Variants in SORL1 observed in about 807,000 individuals in gnomAD.
The protein encoded by SORL1 is sortilin related receptor 1.
SORL1 carries 127 observed loss-of-function variants against 273.7 expected under a neutral mutation model. That is an observed-to-expected ratio of 0.46 (90% CI 0.40 to 0.54). SORL1 has a LOEUF of 0.54. Among genes scored for constraint, SORL1 ranks in the 20% least tolerant of loss-of-function variants. The pLI is 0.00. For missense variants in SORL1, 2,494 were observed against 2,846.1 expected (o/e 0.88, Z 2.81); for synonymous variants, 1,031 against 1,067.4 (o/e 0.97, Z 0.66).
chr11:121,497,086 G>A (rs775393661), intron 6 of SORL1, 37 bp downstream of exon 6: 1 of 1,571,634 alleles, frequency 6.4e-7, no homozygotes, highest in Admixed American at 1.7e-5. Context: ...CTACTTTTGA[G>A]TTTCCTTTGT....
intron 21 of SORL1, among the ~76,000 whole-genome samples, chr11:121,560,573 AACTGCTAAGT>A (rs1862656538): frequency 6.6e-6 from 1 of 152,168 alleles, no homozygotes; most frequent in Non-Finnish European, 1.5e-5. Context: ...TTTATTGACA[AACTGCTAAGT>A]TTTCTGTTCT....
rs1565361034 is a variant in SORL1 at position 121,630,271 on chromosome 11, G to A, written c.*708G>A. ...GTTCAACAGAGCTGCAGCTTGGGAA[G>A]CCCTGTAAGCCCACAGCTTCCTCTC... On this transcript the variant is annotated 3_prime_UTR_variant, in exon 48 of 48. Coordinates refer to ENST00000260197, the MANE Select transcript of SORL1 (RefSeq NM_003105.6). 6.6e-6 allele frequency: 1 copy of A among 152,246 alleles called. No individual in the cohort carries two copies. Among genetic ancestry groups the A allele is most frequent in the Non-Finnish European group, 1.5e-5 (1 of 68,074 alleles). The allele number at this position is 152,246 out of a possible 1,614,324, so 9.4% of individuals were successfully genotyped here.
chr11:121,598,136 T>C (rs1026199577), intron 32 of SORL1, among the ~76,000 whole-genome samples: 3 of 152,122 alleles, frequency 2.0e-5, no homozygotes, highest in Non-Finnish European at 2.9e-5. Flanking sequence ...CTTGAAGATT[T>C]CAGAGATGGG....
At chr11:121,581,624 A>G (rs1863016902) in intron 25 of SORL1, among the ~76,000 whole-genome samples, 1 of 152,214 alleles carries the variant, frequency 6.6e-6, no homozygotes, top group Admixed American at 6.5e-5. Flanking sequence ...AAGAAGATAG[A>G]AAAATCTAGA....
At chr11:121,514,376 TTC>T (rs1861921516) in intron 8 of SORL1, 55 bp downstream of exon 8, 1 of 1,500,802 alleles carries the variant, frequency 6.7e-7, no homozygotes, top group Admixed American at 2.1e-5. Flanking sequence ...AACCATTAGC[TTC>T]TCTCTGGTTC....
chr11:121,593,172 G>T (rs1863242297), intron 31 of SORL1, among the ~76,000 whole-genome samples: 1 of 152,148 alleles, frequency 6.6e-6, no homozygotes, highest in South Asian at 2.1e-4. Context: ...ATTTGCCTTG[G>T]CCTGGCATTC....
In SORL1 at chr11:121,605,182, C is replaced by G. The variant is rs1211904073; in HGVS notation, c.4721C>G (p.Thr1574Ser). ...TADFSGDVTLTWMRPKKMPSA... is the reference protein window; with the variant it reads ...TADFSGDVTLSWMRPKKMPSA... ...GACTTCTCTGGGGATGTGACTTTGA[C>G]CTGGATGAGGCCCAAAAAAATGCCC... The change falls in exon 34 of 48, where the codon ACC (threonine) becomes AGC (serine). Residue 1574 changes from threonine (T) to serine (S), a missense_variant. Physicochemically the swap from Thr to Ser is moderately conservative, Grantham distance 58. This residue lies in a region of SORL1 where 1,609 missense variants were observed against 1,816.4 expected (regional missense o/e 0.89). Transcript: ENST00000260197. The G allele has an allele frequency of 1.9e-6, 3 of 1,613,684 alleles. No homozygotes were observed. The highest frequency in any genetic ancestry group is 2.5e-6 in the Non-Finnish European group (3 of 1,179,764).
intron 40 of SORL1, chr11:121,614,667 A>C: frequency 4.0e-6 from 2 of 504,490 alleles, no homozygotes; most frequent in Non-Finnish European, 6.9e-6. Flanking sequence ...GAAATTACCC[A>C]GTGCTTGTGC....
intron 32 of SORL1, among the ~76,000 whole-genome samples, chr11:121,597,465 T>G (rs1370594790): frequency 6.6e-6 from 1 of 151,890 alleles, no homozygotes; most frequent in African/African-American, 2.4e-5. Context: ...TGTTTTTTTT[T>G]TTTTTCTTTT....
chr11:121,546,618 A>G (rs1279230947), intron 14 of SORL1, among the ~76,000 whole-genome samples: 9 of 152,212 alleles, frequency 5.9e-5, no homozygotes, highest in Non-Finnish European at 1.3e-4. Context: ...TCTAGACCAG[A>G]GGTTGGAACA....
intron 25 of SORL1, 79 bp downstream of exon 25, chr11:121,577,479 A>G (rs1408037720): frequency 2.9e-6 from 4 of 1,393,786 alleles, no homozygotes; most frequent in Non-Finnish European, 3.8e-6. Flanking sequence ...ACGATCGGAA[A>G]ATCTAGGCTC....
intron 24 of SORL1, among the ~76,000 whole-genome samples, chr11:121,576,560 C>G (rs1482127954): frequency 2.0e-5 from 3 of 152,232 alleles, no homozygotes; most frequent in Non-Finnish European, 4.4e-5. Context: ...TTCCTAGCCT[C>G]CAGAACCGAG....
In SORL1 at chr11:121,549,511, A is replaced by G. The variant is rs1020229534; in HGVS notation, c.2052-449A>G. On this transcript the variant is annotated intron_variant, in intron 14 of 47. Coordinates refer to ENST00000260197, the MANE Select transcript of SORL1 (RefSeq NM_003105.6). The stretch of plus-strand genomic sequence containing the variant: ...CAAAGTGTTGGGATTACAGGCGTGA[A>G]CCACCATGCCCGGCCCCAAATAATT... Among the ~76,000 whole-genome samples, 9 of 152,126 alleles carry G rather than the reference A, an allele frequency of 5.9e-5. No homozygotes were observed. In the East Asian group the frequency reaches 1.2e-3, roughly 20 times the overall value.
chr11:121,465,683 G>A (rs1041522868), intron 1 of SORL1, among the ~76,000 whole-genome samples: 2 of 152,098 alleles, frequency 1.3e-5, no homozygotes, highest in African/African-American at 4.8e-5. Context: ...ACGTGCCACC[G>A]TGCCTGGCTA....
intron 32 of SORL1, among the ~76,000 whole-genome samples, chr11:121,601,588 T>TTG (rs1169403961): frequency 2.0e-5 from 3 of 151,108 alleles, no homozygotes; most frequent in African/African-American, 7.3e-5. Context: ...TGATTGTTTT[T>TTG]TTTTTTTTTT....
intron 1 of SORL1, among the ~76,000 whole-genome samples, chr11:121,454,038 TG>T (rs1176202598): frequency 6.6e-6 from 1 of 152,274 alleles, no homozygotes. Flanking sequence ...GGCCACAGGC[TG>T]CAGGAACCTG....
At chr11:121,530,143 T>C (rs747513933) in intron 11 of SORL1, among the ~76,000 whole-genome samples, 5 of 152,240 alleles carry the variant, frequency 3.3e-5, no homozygotes, top group Non-Finnish European at 5.9e-5. Flanking sequence ...CAACACACAT[T>C]ACAAAACCCA....
chr11:121,547,779 T>G (rs1029044902), intron 14 of SORL1, among the ~76,000 whole-genome samples: 4 of 152,024 alleles, frequency 2.6e-5, no homozygotes, highest in African/African-American at 9.7e-5. Flanking sequence ...ATATGGCTCT[T>G]GGAGATGTTT....
intron 1 of SORL1, among the ~76,000 whole-genome samples, chr11:121,466,008 A>G (rs755325741): frequency 2.0e-5 from 3 of 152,124 alleles, no homozygotes; most frequent in Non-Finnish European, 4.4e-5. Context: ...CGACCTGCCA[A>G]TGAGCCAGAT....
Sources: gnomAD v4.1 joint callset for allele counts (sites outside exome capture counted in the v4.1 genomes callset) on GRCh38, gnomAD v4.1.1 for gene constraint, gnomAD v4.1.1 regional missense constraint, MANE v1.5 for transcripts, NCBI Gene and HGNC (gene_info 2026-07-23, HGNC 2026-07-21) for gene names.